MINDY4: variants seen among roughly 807,000 people sequenced by gnomAD.
MINDY4 encodes the protein MINDY lysine 48 deubiquitinase 4, also known as probable ubiquitin carboxyl-terminal hydrolase MINDY-4.
Under a neutral mutation model 87.0 loss-of-function variants are expected in MINDY4, and 68 were observed. That is an observed-to-expected ratio of 0.78 (90% CI 0.64 to 0.96). MINDY4 has a LOEUF of 0.96. Among genes scored for constraint, MINDY4 ranks in the 40% least tolerant of loss-of-function variants. The pLI is 0.00. For synonymous variants in MINDY4, 379 were observed against 363.2 expected (o/e 1.04, Z -0.50); for missense variants, 919 against 928.2 (o/e 0.99, Z 0.13).
intron 5 of MINDY4, among the ~76,000 whole-genome samples, chr7:30,823,383 T>G (rs1788399930): frequency 6.6e-6 from 1 of 152,208 alleles, no homozygotes; most frequent in African/African-American, 2.4e-5. Flanking sequence ...TTATAATTCC[T>G]TCTACATTCA....
intron 12 of MINDY4, chr7:30,858,857 T>A: frequency 2.6e-6 from 1 of 391,420 alleles, no homozygotes; most frequent in East Asian, 7.0e-5. Context: ...TCACTCAGTT[T>A]CTGAGCCTCA....
intron 6 of MINDY4, among the ~76,000 whole-genome samples, chr7:30,832,748 T>C (rs376014500): frequency 1.4e-4 from 21 of 152,298 alleles, no homozygotes; most frequent in African/African-American, 4.6e-4. Context: ...CCTCAGGTGA[T>C]CCACCCACCT....
At chr7:30,797,385 A>G (rs892899686) in intron 5 of MINDY4, among the ~76,000 whole-genome samples, 1 of 152,210 alleles carries the variant, frequency 6.6e-6, no homozygotes, top group African/African-American at 2.4e-5. Flanking sequence ...AGCCCTGGGG[A>G]CAGAGCTGCT....
At chr7:30,859,161 C>A (rs1411468391) in intron 12 of MINDY4, 96 bp from the exon 13 acceptor site, 1 of 1,256,396 alleles carries the variant, frequency 8.0e-7, no homozygotes, top group Non-Finnish European at 1.2e-6. Context: ...TGGCTCAGGG[C>A]AGGCTGCTCC....
At chr7:30,826,369 G>T (rs1788504545) in intron 5 of MINDY4, among the ~76,000 whole-genome samples, 1 of 152,228 alleles carries the variant, frequency 6.6e-6, no homozygotes, top group African/African-American at 2.4e-5. Context: ...TGCTGGGTGA[G>T]TGAGTGAATA....
At chr7:30,876,806 A>T (rs1051400351) in intron 15 of MINDY4, among the ~76,000 whole-genome samples, 1 of 152,156 alleles carries the variant, frequency 6.6e-6, no homozygotes, top group Non-Finnish European at 1.5e-5. Context: ...ATGAGGCCTC[A>T]TTCACCACCT....
intron 5 of MINDY4, among the ~76,000 whole-genome samples, chr7:30,804,453 C>G (rs529269055): frequency 2.4e-4 from 37 of 152,178 alleles, no homozygotes; most frequent in African/African-American, 8.4e-4. Flanking sequence ...CTTGCTTGTT[C>G]GAATGGTGTT....
rs531810840 is a variant in MINDY4, at chr7:30,805,509, C to T, written c.1073+13935C>T. On this transcript the variant is annotated intron_variant, in intron 5 of 17. Transcript: ENST00000265299. ...GGTCAGTATCTTGCAGTGGAGACCA[C>T]GTGCTTGGTGTGGGGCAGGGCAAGA... 2.4e-4 allele frequency among the ~76,000 whole-genome samples: 37 copies of T among 152,226 alleles called. No homozygotes were observed. In the South Asian group the frequency reaches 6.6e-3, roughly 27 times the overall value.
At chr7:30,799,031 G>A (rs545055311) in intron 5 of MINDY4, among the ~76,000 whole-genome samples, 3 of 152,258 alleles carry the variant, frequency 2.0e-5, no homozygotes, top group Non-Finnish European at 2.9e-5. Flanking sequence ...CACAGCTACT[G>A]TCTAAGGACA....
intron 5 of MINDY4, among the ~76,000 whole-genome samples, chr7:30,827,238 C>T (rs564255454): frequency 6.6e-6 from 1 of 152,268 alleles, no homozygotes; most frequent in East Asian, 1.9e-4. Context: ...GTACCAATGC[C>T]TTAGTCCTTG....
chr7:30,808,193 G>A (rs1012772608), intron 5 of MINDY4, among the ~76,000 whole-genome samples: 7 of 152,246 alleles, frequency 4.6e-5, no homozygotes, highest in African/African-American at 1.7e-4. Flanking sequence ...GGATCAATGT[G>A]GTGGCTGATC....
chr7:30,878,225 C>G (rs1390476980), intron 15 of MINDY4, among the ~76,000 whole-genome samples: 1 of 152,160 alleles, frequency 6.6e-6, no homozygotes, highest in Non-Finnish European at 1.5e-5. Flanking sequence ...CGTTCACTCA[C>G]TAGCAGGTGA....
At chr7:30,789,579 T>A (rs530108026) in intron 4 of MINDY4, among the ~76,000 whole-genome samples, 83 of 152,292 alleles carry the variant, frequency 5.5e-4, no homozygotes, top group Non-Finnish European at 2.6e-4. Context: ...GAAGTTTGAG[T>A]CTCCTCGGGA....
chr7:30,849,453 C>T (rs62449087), intron 9 of MINDY4, among the ~76,000 whole-genome samples: 19,983 of 152,192 alleles, frequency 0.13, 1,468 homozygotes, highest in Middle Eastern at 0.26. Flanking sequence ...GAAAGAAATA[C>T]GTATATTCGG....
chr7:30,837,266 G>A (rs1228418154), intron 7 of MINDY4, among the ~76,000 whole-genome samples: 1 of 152,156 alleles, frequency 6.6e-6, no homozygotes, highest in African/African-American at 2.4e-5. Flanking sequence ...AGCCTCTTCT[G>A]CAGGGGTGTC....
chr7:30,879,298 A>G (rs1441058955), intron 15 of MINDY4, among the ~76,000 whole-genome samples: 1 of 152,304 alleles, frequency 6.6e-6, no homozygotes, highest in East Asian at 1.9e-4. Context: ...CACAGCAGGA[A>G]GTCCTTCTGA....
rs780496963 is a variant in MINDY4 at position 30,791,157 on chromosome 7, C to G, written c.664-8C>G. ...GGTCCTCACTGCTTTTGTCCTTACT[C>G]CCTTTAGGATTCTTTTCACAGACAC... On this transcript the variant is annotated splice_region_variant and splice_polypyrimidine_tract_variant and intron_variant, in intron 4 of 17. Transcript: ENST00000265299. 6 of 1,597,174 alleles carry G rather than the reference C, an allele frequency of 3.8e-6. No homozygotes were observed. Among genetic ancestry groups the G allele is most frequent in the Non-Finnish European group, 5.1e-6 (6 of 1,168,482 alleles).
chr7:30,873,279 G>A (rs1790161862), intron 14 of MINDY4, among the ~76,000 whole-genome samples: 1 of 152,204 alleles, frequency 6.6e-6, no homozygotes, highest in Admixed American at 6.5e-5. Flanking sequence ...CCCCATGGGA[G>A]CTTTCCCTTT....
intron 13 of MINDY4, among the ~76,000 whole-genome samples, chr7:30,871,648 C>G (rs990454782): frequency 2.0e-5 from 3 of 152,178 alleles, no homozygotes; most frequent in Non-Finnish European, 4.4e-5. Context: ...CACAGTGGTA[C>G]CAGGGGGTGG....
Sources: allele counts gnomAD v4.1 joint callset (sites outside exome capture counted in the v4.1 genomes callset), GRCh38; gene constraint gnomAD v4.1.1; transcripts MANE v1.5; gene names NCBI Gene and HGNC (gene_info 2026-07-23, HGNC 2026-07-21).